Variants in TEP1 observed in about 807,000 individuals in gnomAD.
The protein encoded by TEP1 is telomerase protein component 1.
Under a neutral mutation model 306.3 loss-of-function variants are expected in TEP1, and 241 were observed. The observed-to-expected ratio is 0.79, with a 90% CI of 0.71 to 0.88. TEP1 has a LOEUF of 0.88. Among genes scored for constraint, TEP1 ranks in the 40% least tolerant of loss-of-function variants. The pLI is 0.00. For synonymous variants in TEP1, 1,289 were observed against 1,305.5 expected (o/e 0.99, Z 0.27); for missense variants, 3,051 against 3,276.1 (o/e 0.93, Z 1.68).
At chr14:20,376,781 G>A (rs1885199612) in intron 41 of TEP1, among the ~76,000 whole-genome samples, 1 of 152,248 alleles carries the variant, frequency 6.6e-6, no homozygotes, top group South Asian at 2.1e-4. Context: ...GTGAAGGAAT[G>A]AGTGGAAACA....
chr14:20,384,661 C>T lies in TEP1; in HGVS notation c.3160G>A (p.Ala1054Thr), dbSNP rs1270564509. The change falls in exon 22 of 55, where the codon GCA becomes ACA. Residue 1054 changes from alanine (A) to threonine (T), a missense_variant. Physicochemically the swap from Ala to Thr is moderately conservative, Grantham distance 58 (BLOSUM62 0). Coordinates refer to ENST00000262715, the MANE Select transcript of TEP1 (RefSeq NM_007110.5). ...SDFVSESEEA[A>T]RRISELKSYL... ...CTCTTCAGTTCTGAGATCCGACGTG[C>T]GGCCTCTTCAGACTCAGAAACAAAG... is the stretch of plus-strand genomic sequence containing the variant. 4 of 1,613,498 alleles carry T rather than the reference C, an allele frequency of 2.5e-6. No homozygotes were observed. The highest frequency in any genetic ancestry group is 2.7e-5 in the African/African-American group (2 of 74,910).
chr14:20,391,462 A>T, intron 13 of TEP1, 137 bp downstream of exon 13: 2 of 1,049,404 alleles, frequency 1.9e-6, no homozygotes, highest in Non-Finnish European at 2.8e-6. Context: ...AAGGACTGAT[A>T]CTTGGAAGCA....
chr14:20,407,685 A>T (rs942666194), intron 2 of TEP1, among the ~76,000 whole-genome samples, 188 bp downstream of exon 2: 5 of 152,224 alleles, frequency 3.3e-5, no homozygotes, highest in Non-Finnish European at 5.9e-5. Context: ...TCTCCAATGT[A>T]GATATGCAAT....
Position 20,383,263 on chromosome 14 carries a change from GC to G in TEP1, c.3957del (p.Pro1320LeufsTer11), listed in dbSNP as rs745950821. ...CGGGCCCGAGCAGAGGCCTCCAGAG[GC>G]CCCAAGGCCAGCACGTGGGCACCCT... ...QSQGAHVLAL[G>X]PLEASARARL... On this transcript the variant is annotated frameshift_variant, in exon 27 of 55. Coordinates refer to ENST00000262715, the MANE Select transcript of TEP1 (RefSeq NM_007110.5). LOFTEE classifies it high-confidence loss of function. 3 of 1,613,782 alleles carry G rather than the reference GC, an allele frequency of 1.9e-6. No individual in the cohort carries two copies. Among genetic ancestry groups the G allele is most frequent in the Non-Finnish European group, 2.5e-6 (3 of 1,179,926 alleles).
At chr14:20,374,996 C>T (rs998979484) in intron 43 of TEP1, among the ~76,000 whole-genome samples, 6 of 150,534 alleles carry the variant, frequency 4.0e-5, no homozygotes, top group African/African-American at 1.2e-4. Context: ...GAGGCTGAGG[C>T]AGGAGAATCA....
chr14:20,376,062 A>G (rs1885155341), intron 42 of TEP1, 42 bp downstream of exon 42: 1 of 1,598,578 alleles, frequency 6.3e-7, no homozygotes. Context: ...TAGGAACTAG[A>G]GAGGCTATGG....
intron 37 of TEP1, 55 bp downstream of exon 37, chr14:20,378,699 C>T (rs1034292824): frequency 7.5e-6 from 12 of 1,595,952 alleles, no homozygotes; most frequent in East Asian, 4.5e-5. Context: ...AACAAATTCA[C>T]GAGGGTGAGT....
At chr14:20,392,131 T>A (rs140418621) in intron 12 of TEP1, among the ~76,000 whole-genome samples, 283 of 152,326 alleles carry the variant, frequency 1.9e-3, no homozygotes, top group African/African-American at 6.5e-3. Context: ...AAACTGGCAA[T>A]TAAAGGAGAA....
chr14:20,408,430 G>A lies in TEP1; in HGVS notation c.10C>T (p.Leu4Phe), dbSNP rs1566486663. The change falls in exon 2 of 55, where the codon CTC becomes TTC. Residue 4 changes from leucine (L) to phenylalanine (F), a missense_variant. Coordinates refer to ENST00000262715, the MANE Select transcript of TEP1 (RefSeq NM_007110.5). ...GGATGGGCAGACACATGCCCATGGA[G>A]TTTTTCCATGGCTGAAACTCAGCTT... Reference protein sequence around the residue: MEKLHGHVSAHPDI... With the variant: MEKFHGHVSAHPDI... The A allele has an allele frequency of 6.2e-7, 1 of 1,612,386 alleles. No homozygotes were observed. The highest frequency in any genetic ancestry group is 8.5e-7 in the Non-Finnish European group (1 of 1,179,658).
chr14:20,379,048 C>G lies in TEP1; in HGVS notation c.5185G>C (p.Asp1729His). ...AAGGCAGTAAGAAAGAGTGTATCAT[C>G]GGAGAGGAACAAACAAGCAGAGATT... ...DGISACLFLSDDTLFLTAFDG... is the reference protein window; with the variant it reads ...DGISACLFLSHDTLFLTAFDG... Residue 1729 changes from aspartate (D) to histidine (H), a missense_variant, in exon 36 of 55, where the codon GAT becomes CAT. This residue lies in a region of TEP1 where 1,540 missense variants were observed against 1,705.9 expected (regional missense o/e 0.90). Transcript: ENST00000262715. 6.2e-7 allele frequency: 1 copy of G among 1,614,144 alleles called. No individual in the cohort carries two copies. The highest frequency in any genetic ancestry group is 8.5e-7 in the Non-Finnish European group (1 of 1,180,032).
chr14:20,410,698 C>T (rs1879594804), intron 1 of TEP1, among the ~76,000 whole-genome samples: 1 of 151,724 alleles, frequency 6.6e-6, no homozygotes, highest in African/African-American at 2.4e-5. Context: ...CCTTGGCCTC[C>T]CAAAGTGCTG....
chr14:20,368,685 A>C, intron 54 of TEP1, 113 bp downstream of exon 54: 1 of 1,538,844 alleles, frequency 6.5e-7, no homozygotes, highest in Non-Finnish European at 8.9e-7. Flanking sequence ...TGAAGAAAAC[A>C]GAATTTTGAT....
chr14:20,402,598 T>C (rs1055715833), intron 7 of TEP1, among the ~76,000 whole-genome samples: 3 of 152,190 alleles, frequency 2.0e-5, no homozygotes, highest in East Asian at 1.9e-4. Context: ...TCTGCTTTTA[T>C]TCCCATTTAA....
chr14:20,381,062 G>A lies in TEP1; in HGVS notation c.4648-17C>T. The A allele has an allele frequency of 6.2e-7, 1 of 1,600,022 alleles. No homozygotes were observed. Among genetic ancestry groups the A allele is most frequent in the East Asian group, 2.2e-5 (1 of 44,824 alleles). On this transcript the variant is annotated splice_polypyrimidine_tract_variant and intron_variant, in intron 32 of 54. Coordinates refer to ENST00000262715, the MANE Select transcript of TEP1 (RefSeq NM_007110.5). The surrounding 1 kb of genome is among the most constrained non-coding windows in gnomAD (Gnocchi z 4.0). ...GCTCTGGAGCTGAGAAGGTCAGATT[G>A]AATTCATTAGGGATATGAAGGGGCT...
intron 1 of TEP1, among the ~76,000 whole-genome samples, chr14:20,410,815 T>TTTG: frequency 6.9e-6 from 1 of 145,220 alleles, no homozygotes; most frequent in Admixed American, 6.9e-5. Flanking sequence ...TTTTTTTTTT[T>TTTG]TTTTTTTTTT....
intron 8 of TEP1, 63 bp from the exon 9 acceptor site, chr14:20,401,204 G>A: frequency 6.3e-7 from 1 of 1,578,316 alleles, no homozygotes; most frequent in Non-Finnish European, 8.6e-7. Context: ...CTCAGAAAAG[G>A]AAAGGTGAGT....
intron 9 of TEP1, 102 bp from the exon 10 acceptor site, chr14:20,396,832 T>C (rs1878245352): frequency 2.6e-6 from 2 of 759,928 alleles, no homozygotes; most frequent in Non-Finnish European, 4.2e-6. Context: ...GACAGAAGGA[T>C]CACTTGAGCC....
Position 20,371,578 on chromosome 14 carries a change from A to T in TEP1, c.7131T>A (p.Asp2377Glu), listed in dbSNP as rs763513216. 2 of 1,603,480 alleles carry T rather than the reference A, an allele frequency of 1.2e-6. No homozygotes were observed. The highest frequency in any genetic ancestry group is 2.2e-5 in the South Asian group (2 of 89,252). ...TGAGAAAGTGACCATCAGGAGCCCA[A>T]TCCAGACTTGTCAGCACCCCTAAGT... ...QEDLGVLTSL[D>E]WAPDGHFLIL... The change falls in exon 50 of 55, where the codon GAT (aspartate) becomes GAA (glutamate). Residue 2377 changes from aspartate to glutamate, a missense_variant. Asp to Glu is a conservative substitution (Grantham distance 45). This residue lies in a region of TEP1 where 1,540 missense variants were observed against 1,705.9 expected (regional missense o/e 0.90). Transcript: ENST00000262715.
Position 20,380,045 on chromosome 14 carries a change from A to T in TEP1, c.5012T>A (p.Leu1671Gln). 6.2e-7 allele frequency: 1 copy of T among 1,611,254 alleles called. No individual in the cohort carries two copies. The highest frequency in any genetic ancestry group is 8.5e-7 in the Non-Finnish European group (1 of 1,179,322). The change falls in exon 35 of 55, where the codon CTG becomes CAG. Residue 1671 changes from leucine to glutamine, a missense_variant. Leu to Gln is a moderately radical substitution (Grantham distance 113, BLOSUM62 -2). Transcript: ENST00000262715. Reference sequence around the variant, plus strand: ...AGGGGATGAGGAAACTGCCAGAGACAGGCTGGAGCTAGAGAAAGAGTAGGA... The same window carrying T: ...AGGGGATGAGGAAACTGCCAGAGACTGGCTGGAGCTAGAGAAAGAGTAGGA... ...RTMKNQQSSS[L>Q]SLAVSSSPTA...
Sources: gnomAD v4.1 joint callset for allele counts (sites outside exome capture counted in the v4.1 genomes callset) on GRCh38, gnomAD v4.1.1 for gene constraint, gnomAD v4.1.1 regional missense constraint, Gnocchi (gnomAD v3.1) non-coding constraint, MANE v1.5 for transcripts, NCBI Gene and HGNC (gene_info 2026-07-23, HGNC 2026-07-21) for gene names.